TBPL1: variants seen among roughly 807,000 people sequenced by gnomAD.
TBPL1 encodes TATA box-binding protein-like 1.
Under a neutral mutation model 22.1 loss-of-function variants are expected in TBPL1, and 4 were observed. The ratio of observed to expected loss-of-function variants is 0.18; its 90% CI spans 0.09 to 0.41. The LOEUF (loss-of-function observed/expected upper bound fraction) is 0.41. Among genes scored for constraint, TBPL1 ranks in the 10% least tolerant of loss-of-function variants. The pLI is 1.00. For synonymous variants in TBPL1, 64 were observed against 71.0 expected, an observed-to-expected ratio of 0.90 and a Z score of 0.50; for missense variants, 115 against 222.3, an observed-to-expected ratio of 0.52 and a Z score of 3.07.
At chr6:133,977,806 C>G (rs1206317019) in intron 1 of TBPL1, among the ~76,000 whole-genome samples, 1 of 152,190 alleles carries the variant, frequency 6.6e-6, no homozygotes, top group Non-Finnish European at 1.5e-5. Context: ...TCTTGTTGTT[C>G]TACCATCCTC....
At chr6:133,985,297 A>T (rs4598088) in intron 6 of TBPL1, among the ~76,000 whole-genome samples, 6 of 42,874 alleles carry the variant, frequency 1.4e-4, no homozygotes, top group Admixed American at 7.1e-4. Flanking sequence ...AAAAAAAAAA[A>T]ATATATATAT....
chr6:133,962,975 A>T, intron 1 of TBPL1, among the ~76,000 whole-genome samples: 1 of 152,228 alleles, frequency 6.6e-6, no homozygotes, highest in East Asian at 1.9e-4. Context: ...AGGACATGGC[A>T]AGGGAGCAGT....
At chr6:133,985,298 ATATATATATAT>A (rs1245929664) in intron 6 of TBPL1, among the ~76,000 whole-genome samples, 426 of 31,124 alleles carry the variant, frequency 0.014, 98 homozygotes, top group Non-Finnish European at 0.017. Context: ...AAAAAAAAAA[ATATATATATAT>A]ATATATATAT....
chr6:133,985,297 A>AAAAATAT (rs1449435525), intron 6 of TBPL1, among the ~76,000 whole-genome samples: 1 of 42,916 alleles, frequency 2.3e-5, no homozygotes, highest in African/African-American at 1.1e-4. Context: ...AAAAAAAAAA[A>AAAAATAT]ATATATATAT....
At chr6:133,982,396 G>A (rs1776432100) in intron 2 of TBPL1, among the ~76,000 whole-genome samples, 172 bp from the exon 3 acceptor site, 1 of 152,182 alleles carries the variant, frequency 6.6e-6, no homozygotes, top group Non-Finnish European at 1.5e-5. Flanking sequence ...GGATTAATAT[G>A]TTCTTTGTGT....
intron 1 of TBPL1, among the ~76,000 whole-genome samples, chr6:133,956,826 A>C (rs1186294568): frequency 2.0e-5 from 3 of 152,226 alleles, no homozygotes; most frequent in Non-Finnish European, 1.5e-5. Context: ...GACTGCCTTC[A>C]CTTGAGTAGA....
chr6:133,984,713 G>A (rs779386417), intron 6 of TBPL1, 42 bp downstream of exon 6: 1 of 1,479,562 alleles, frequency 6.8e-7, no homozygotes, highest in South Asian at 1.1e-5. Flanking sequence ...ATTATGGATT[G>A]AATGATACAA....
intron 1 of TBPL1, among the ~76,000 whole-genome samples, chr6:133,979,316 A>C (rs190553821): frequency 1.3e-5 from 2 of 152,322 alleles, no homozygotes; most frequent in Admixed American, 1.3e-4. Flanking sequence ...TTTAAACTTA[A>C]GTCAGTTACT....
intron 1 of TBPL1, among the ~76,000 whole-genome samples, chr6:133,964,640 G>A (rs1456609249): frequency 1.3e-5 from 2 of 151,764 alleles, no homozygotes; most frequent in African/African-American, 4.8e-5. Flanking sequence ...AGTAGAGATG[G>A]GGTTTTACCG....
At chr6:133,959,058 G>A (rs369589057) in intron 1 of TBPL1, among the ~76,000 whole-genome samples, 10 of 150,476 alleles carry the variant, frequency 6.6e-5, no homozygotes, top group African/African-American at 2.4e-4. Context: ...TTTTTTGTTT[G>A]AGACAGAGTC....
intron 1 of TBPL1, among the ~76,000 whole-genome samples, chr6:133,976,453 CAT>C (rs1776313493): frequency 1.3e-5 from 2 of 152,128 alleles, no homozygotes; most frequent in Non-Finnish European, 2.9e-5. Context: ...TAGGTACCAT[CAT>C]AGTCATAAAC....
Position 133,982,894 on chromosome 6 carries a change from A to G in TBPL1, c.282+14A>G, listed in dbSNP as rs755147971. The G allele has an allele frequency of 9.4e-6, 15 of 1,596,180 alleles. No homozygotes were observed. The highest frequency in any genetic ancestry group is 1.3e-5 in the Non-Finnish European group (15 of 1,173,464). On this transcript the variant is annotated intron_variant, in intron 4 of 6. Coordinates refer to ENST00000237264, the MANE Select transcript of TBPL1 (RefSeq NM_004865.4). ...CTAGGTTTTCAGGTAACGTTTTCAA[A>G]TAGTATCTAAACTACAAATATTCAA... is the stretch of plus-strand genomic sequence containing the variant.
intron 6 of TBPL1, 37 bp downstream of exon 6, chr6:133,984,708 G>A (rs769279023): frequency 6.7e-7 from 1 of 1,489,410 alleles, no homozygotes. Context: ...TATCAATTAT[G>A]GATTGAATGA....
At chr6:133,973,692 A>G (rs1382186271) in intron 1 of TBPL1, among the ~76,000 whole-genome samples, 2 of 152,204 alleles carry the variant, frequency 1.3e-5, no homozygotes, top group Non-Finnish European at 2.9e-5. Flanking sequence ...AAAATCTTTG[A>G]GTGAGGAAGA....
At chr6:133,980,962 A>ATT (rs10713725) in intron 2 of TBPL1, among the ~76,000 whole-genome samples, 4,684 of 97,038 alleles carry the variant, frequency 0.048, 386 homozygotes, top group African/African-American at 0.16. Context: ...TAATTAATTA[A>ATT]TTTTTTTTTT....
At chr6:133,973,181 G>C (rs73774173) in intron 1 of TBPL1, among the ~76,000 whole-genome samples, 115 of 152,314 alleles carry the variant, frequency 7.6e-4, no homozygotes, top group African/African-American at 2.6e-3. Flanking sequence ...TAAAGGATGT[G>C]AGGTTACTTT....
At chr6:133,958,212 T>C (rs1232769828) in intron 1 of TBPL1, among the ~76,000 whole-genome samples, 1 of 152,224 alleles carries the variant, frequency 6.6e-6, no homozygotes, top group Non-Finnish European at 1.5e-5. Context: ...TTTAGCTGTA[T>C]GATACTTCTG....
intron 1 of TBPL1, chr6:133,968,716 G>C (rs149028787): frequency 6.6e-6 from 1 of 152,246 alleles, no homozygotes; most frequent in African/African-American, 2.4e-5. Context: ...TCTCGCCCAC[G>C]CTGGAGTGCA....
At chr6:133,967,091 A>C (rs1307931803) in intron 1 of TBPL1, among the ~76,000 whole-genome samples, 1 of 152,164 alleles carries the variant, frequency 6.6e-6, no homozygotes, top group Admixed American at 6.5e-5. Context: ...TTCTCACCGT[A>C]GCCATGCTGA....
Sources: allele counts gnomAD v4.1 joint callset (sites outside exome capture counted in the v4.1 genomes callset), GRCh38; gene constraint gnomAD v4.1.1; transcripts MANE v1.5; gene names NCBI Gene and HGNC (gene_info 2026-07-23, HGNC 2026-07-21).